Variants in SUFU observed in about 807,000 individuals in gnomAD.
SUFU encodes the protein SUFU negative regulator of hedgehog signaling.
SUFU carries 7 observed loss-of-function variants against 58.9 expected under a neutral mutation model. The ratio of observed to expected loss-of-function variants is 0.12; its 90% CI spans 0.07 to 0.22. The LOEUF (loss-of-function observed/expected upper bound fraction) is 0.22, where lower values mean the gene tolerates loss of function less well. Among genes scored for constraint, SUFU ranks in the 10% least tolerant of loss-of-function variants. SUFU has a pLI of 1.00. For synonymous variants in SUFU, 232 were observed against 254.8 expected (o/e 0.91, Z 0.85); for missense variants, 451 against 641.3 (o/e 0.70, Z 3.20).
chr10:102,536,363 CTTTT>C (rs11290425), intron 2 of SUFU, among the ~76,000 whole-genome samples: 3 of 101,886 alleles, frequency 2.9e-5, no homozygotes. Context: ...AATTTTATTG[CTTTT>C]TTTTTTTTTT....
chr10:102,572,620 C>A, intron 3 of SUFU: 1 of 451,148 alleles, frequency 2.2e-6, no homozygotes, highest in Non-Finnish European at 4.1e-6. Flanking sequence ...GAACCCCTGA[C>A]CTCGTGATCC....
At chr10:102,614,807 C>T (rs932037531) in intron 8 of SUFU, among the ~76,000 whole-genome samples, 3 of 150,704 alleles carry the variant, frequency 2.0e-5, no homozygotes, top group East Asian at 1.9e-4. Context: ...ACCCAGGAGG[C>T]GGAGGTTGCA....
chr10:102,517,979 G>A (rs753158173), intron 2 of SUFU, among the ~76,000 whole-genome samples: 11 of 152,176 alleles, frequency 7.2e-5, no homozygotes, highest in Non-Finnish European at 1.6e-4. Context: ...GTAGGAGATG[G>A]TGAGGTCCTT....
At chr10:102,594,525 C>A (rs1348602142) in intron 6 of SUFU, among the ~76,000 whole-genome samples, 1 of 152,106 alleles carries the variant, frequency 6.6e-6, no homozygotes, top group African/African-American at 2.4e-5. Flanking sequence ...GTCCTATCCC[C>A]ATTTTCGCCA....
At chr10:102,505,938 A>G (rs2062319978) in intron 1 of SUFU, among the ~76,000 whole-genome samples, 2 of 149,966 alleles carry the variant, frequency 1.3e-5, no homozygotes, top group South Asian at 2.1e-4. Context: ...ACAGTGGCTC[A>G]TGCATGTATT....
intron 3 of SUFU, among the ~76,000 whole-genome samples, chr10:102,585,632 G>A (rs1344496977): frequency 1.3e-5 from 2 of 151,742 alleles, no homozygotes; most frequent in African/African-American, 4.8e-5. Flanking sequence ...TCAACCTCCC[G>A]AGTACCTGGG....
Position 102,541,022 on chromosome 10 carries a change from G to A in SUFU, c.318-8948G>A, listed in dbSNP as rs369538268. 1.0e-3 allele frequency among the ~76,000 whole-genome samples: 152 copies of A among 148,516 alleles called. 3 individuals carry two copies. The South Asian group carries it at 0.029, about 29-fold the overall frequency. On this transcript the variant is annotated intron_variant, in intron 2 of 11. Transcript: ENST00000369902. ...GGGTGACAGAGCAAGACTCCATCTCGAAAAAAAAAAGTTACTTGGGTTATA... is the reference window on the plus strand; with the variant it reads ...GGGTGACAGAGCAAGACTCCATCTCAAAAAAAAAAAGTTACTTGGGTTATA...
intron 3 of SUFU, among the ~76,000 whole-genome samples, chr10:102,576,695 A>G (rs550225149): frequency 6.0e-4 from 91 of 152,330 alleles, no homozygotes; most frequent in Non-Finnish European, 1.1e-3. Flanking sequence ...TTATAGGTCC[A>G]TGGCAACTAA....
chr10:102,595,867 C>G (rs960042412), intron 6 of SUFU, among the ~76,000 whole-genome samples: 4 of 152,156 alleles, frequency 2.6e-5, no homozygotes, highest in Non-Finnish European at 5.9e-5. Context: ...TGGGTCTTAA[C>G]TTTTTCTTTT....
chr10:102,619,640 G>A lies in SUFU; in HGVS notation c.1296+2212G>A, dbSNP rs990055342. Among the ~76,000 whole-genome samples the A allele has an allele frequency of 6.6e-5, 10 of 152,218 alleles. No homozygotes were observed. Among genetic ancestry groups the A allele is most frequent in the Middle Eastern group, 3.4e-3 (1 of 294 alleles). The stretch of plus-strand genomic sequence containing the variant: ...AAACCCTCTGACCCTGCCCCCAGCC[G>A]GATTCTCAGCAGTGGAGCCAACACC... On this transcript the variant is annotated intron_variant, in intron 10 of 11. Coordinates refer to ENST00000369902, the MANE Select transcript of SUFU (RefSeq NM_016169.4). The surrounding 1 kb of genome is among the most constrained non-coding windows in gnomAD (Gnocchi z 4.2).
chr10:102,524,066 C>A (rs1011706347), intron 2 of SUFU, among the ~76,000 whole-genome samples: 4 of 152,054 alleles, frequency 2.6e-5, no homozygotes, highest in Admixed American at 6.6e-5. Context: ...TCGCAAATAA[C>A]TTCTCTCAGT....
chr10:102,553,565 G>A (rs566562468), intron 3 of SUFU, among the ~76,000 whole-genome samples: 37 of 151,684 alleles, frequency 2.4e-4, no homozygotes, highest in African/African-American at 7.7e-4. Flanking sequence ...CCAGATTCAC[G>A]CCATTCTCCT....
chr10:102,617,189 C>A lies in SUFU; in HGVS notation c.1158-101C>A, dbSNP rs78549129. The A allele has an allele frequency of 3.9e-6, 6 of 1,526,030 alleles. No homozygotes were observed. The African/African-American group carries it at 5.5e-5, about 14-fold the overall frequency. 94.5% of individuals were successfully genotyped at this position (1,526,030 alleles called of 1,614,324 possible). A position where few individuals can be genotyped will look rare whatever the true frequency, so the allele number is the denominator to read the frequency against. On this transcript the variant is annotated intron_variant, in intron 9 of 11. Coordinates refer to ENST00000369902, the MANE Select transcript of SUFU (RefSeq NM_016169.4). This position sits in a 1 kb window ranked among gnomAD's most constrained non-coding sequence, Gnocchi z 4.4. Reference sequence around the variant, plus strand: ...CCAGGAGGGCATGTTACCTGGCCCGCGGACCATAGTCCCCACTGTCCCAGA... The same window carrying A: ...CCAGGAGGGCATGTTACCTGGCCCGAGGACCATAGTCCCCACTGTCCCAGA...
At chr10:102,577,618 C>T (rs1255949182) in intron 3 of SUFU, among the ~76,000 whole-genome samples, 6 of 152,012 alleles carry the variant, frequency 3.9e-5, no homozygotes, top group East Asian at 1.9e-4. Flanking sequence ...GGATTACAGG[C>T]GTGAGCCACT....
intron 2 of SUFU, among the ~76,000 whole-genome samples, chr10:102,525,266 C>T (rs771272013): frequency 2.0e-5 from 3 of 151,844 alleles, no homozygotes; most frequent in Non-Finnish European, 2.9e-5. Context: ...CACGCTACCA[C>T]GCCTGGCTAA....
At chr10:102,508,881 A>G (rs1001785510) in intron 1 of SUFU, among the ~76,000 whole-genome samples, 3 of 152,184 alleles carry the variant, frequency 2.0e-5, no homozygotes, top group Non-Finnish European at 4.4e-5. Context: ...GGGATCGGTA[A>G]TTTGAAACAG....
Position 102,630,762 on chromosome 10 carries a change from G to A in SUFU, c.*607G>A, listed in dbSNP as rs933056865. ...GAACTTCATTCCCCGTTGAACTTTC[G>A]CATTCTCTGACAGAGGCCTAGGGCT... On this transcript the variant is annotated 3_prime_UTR_variant, in exon 12 of 12. Coordinates refer to ENST00000369902, the MANE Select transcript of SUFU (RefSeq NM_016169.4). 8.0e-6 allele frequency: 2 copies of A among 249,584 alleles called. No homozygotes were observed. Among genetic ancestry groups the A allele is most frequent in the Admixed American group, 4.8e-5 (1 of 20,638 alleles). 15.5% of individuals were successfully genotyped at this position (249,584 alleles called of 1,614,324 possible). A position where few individuals can be genotyped will look rare whatever the true frequency, so the allele number is the denominator to read the frequency against.
intron 1 of SUFU, among the ~76,000 whole-genome samples, chr10:102,507,134 A>G (rs189085124): frequency 6.6e-6 from 1 of 152,302 alleles, no homozygotes; most frequent in East Asian, 1.9e-4. Context: ...GCTTGGGGAC[A>G]GGGTTAATTT....
chr10:102,610,906 C>T (rs2063616860), intron 8 of SUFU, among the ~76,000 whole-genome samples: 1 of 152,118 alleles, frequency 6.6e-6, no homozygotes, highest in Non-Finnish European at 1.5e-5. Flanking sequence ...AGGGAGATTT[C>T]GTTGACAGAG....
Sources: allele counts gnomAD v4.1 joint callset (sites outside exome capture counted in the v4.1 genomes callset), GRCh38; gene constraint gnomAD v4.1.1; non-coding constraint Gnocchi (gnomAD v3.1); transcripts MANE v1.5; gene names NCBI Gene and HGNC (gene_info 2026-07-23, HGNC 2026-07-21).